Variants in KAT7 observed in about 807,000 individuals in gnomAD.
KAT7 encodes lysine acetyltransferase 7.
A neutral mutation model predicts 82.1 loss-of-function variants in KAT7; 10 were observed. The ratio of observed to expected loss-of-function variants is 0.12; its 90% CI spans 0.08 to 0.21. The LOEUF (loss-of-function observed/expected upper bound fraction) is 0.21, where lower values mean the gene tolerates loss of function less well. KAT7 is among the 10% of genes least tolerant of loss of function. The pLI is 1.00. For missense variants in KAT7, 378 were observed against 760.9 expected (o/e 0.50, Z 5.92); for synonymous variants, 250 against 262.5 (o/e 0.95, Z 0.46).
chr17:49,829,023 C>T lies in KAT7; in HGVS notation c.*1521C>T, dbSNP rs755489186. 2.6e-5 allele frequency: 4 copies of T among 152,650 alleles called. No homozygotes were observed. The highest frequency in any genetic ancestry group is 2.0e-4 in the Admixed American group (3 of 15,280). 9.5% of individuals were successfully genotyped at this position (152,650 alleles called of 1,614,324 possible). A position where few individuals can be genotyped will look rare whatever the true frequency, so the allele number is the denominator to read the frequency against. The stretch of plus-strand genomic sequence containing the variant: ...AAGGGATAAAGGCCTTTTACAGAAG[C>T]TAAACCCTTCCCCACATGTGGTAGA... On this transcript the variant is annotated 3_prime_UTR_variant, in exon 15 of 15. Coordinates refer to ENST00000259021, the MANE Select transcript of KAT7 (RefSeq NM_007067.5).
At chr17:49,806,461 A>C (rs539854952) in intron 5 of KAT7, among the ~76,000 whole-genome samples, 1 of 152,194 alleles carries the variant, frequency 6.6e-6, no homozygotes, top group African/African-American at 2.4e-5. Context: ...TGCTCTGTGT[A>C]AAAGTGAGTT....
In KAT7 at chr17:49,791,887, G is replaced by C; in HGVS notation, c.17G>C (p.Arg6Thr). 11 of 1,613,936 alleles carry C rather than the reference G, an allele frequency of 6.8e-6. No individual in the cohort carries two copies. The highest frequency in any genetic ancestry group is 9.3e-6 in the Non-Finnish European group (11 of 1,179,842). Reference protein sequence around the residue: MPRRKRNAGSSSDGTE... With the variant: MPRRKTNAGSSSDGTE... ...ATATCTGGATCTATGGTATTACAGA[G>C]GAATGCAGGCAGTAGTTCAGATGGA... The change falls in exon 2 of 15, where the codon AGG (arginine) becomes ACG (threonine). Residue 6 changes from arginine to threonine, a missense_variant and splice_region_variant. Arg to Thr is a moderately conservative substitution (Grantham distance 71). Transcript: ENST00000259021.
intron 1 of KAT7, 63 bp downstream of exon 1, chr17:49,788,912 A>G: frequency 6.9e-7 from 1 of 1,454,240 alleles, no homozygotes; most frequent in Admixed American, 2.2e-5. Context: ...ACCGTGACGC[A>G]GTTGGCCACG....
At chr17:49,790,227 G>A (rs1464482412) in intron 1 of KAT7, among the ~76,000 whole-genome samples, 6 of 152,116 alleles carry the variant, frequency 3.9e-5, no homozygotes, top group Admixed American at 2.0e-4. Flanking sequence ...ACGAGGTTTT[G>A]CTCTTGTTGC....
rs1434733574 is a variant in KAT7, at chr17:49,827,986, T to C, written c.*484T>C. 6.4e-6 allele frequency: 1 copy of C among 155,532 alleles called. No individual in the cohort carries two copies. Among genetic ancestry groups the C allele is most frequent in the Non-Finnish European group, 1.4e-5 (1 of 70,182 alleles). 9.6% of individuals were successfully genotyped at this position (155,532 alleles called of 1,614,324 possible). A position where few individuals can be genotyped will look rare whatever the true frequency, so the allele number is the denominator to read the frequency against. On this transcript the variant is annotated 3_prime_UTR_variant, in exon 15 of 15. Transcript: ENST00000259021. Reference sequence around the variant, plus strand: ...GGTGGCACTTGTGAGTGTGTGTGGATTGGCAGGGGGTCCATTCACTTTGGG... The same window carrying C: ...GGTGGCACTTGTGAGTGTGTGTGGACTGGCAGGGGGTCCATTCACTTTGGG...
chr17:49,810,482 C>T (rs1255497729), intron 6 of KAT7, among the ~76,000 whole-genome samples: 2 of 152,160 alleles, frequency 1.3e-5, no homozygotes, highest in Non-Finnish European at 2.9e-5. Flanking sequence ...GTCTTAAACT[C>T]CTGACCTCCA....
chr17:49,794,533 G>A (rs1433823532), intron 2 of KAT7, among the ~76,000 whole-genome samples: 1 of 152,176 alleles, frequency 6.6e-6, no homozygotes, highest in African/African-American at 2.4e-5. Flanking sequence ...TGATCTGCCC[G>A]CCTCGGCCTC....
At chr17:49,813,235 C>T (rs1237005794) in intron 7 of KAT7, among the ~76,000 whole-genome samples, 2 of 151,972 alleles carry the variant, frequency 1.3e-5, no homozygotes, top group Non-Finnish European at 1.5e-5. Context: ...TCCCTCTGTA[C>T]CCAGTGGTTA....
At chr17:49,801,341 C>T (rs879661597) in intron 4 of KAT7, among the ~76,000 whole-genome samples, 5 of 151,994 alleles carry the variant, frequency 3.3e-5, no homozygotes, top group East Asian at 1.9e-4. Flanking sequence ...TGTGCCACCA[C>T]GCCTGGCTAA....
At chr17:49,806,459 G>T (rs2074093045) in intron 5 of KAT7, among the ~76,000 whole-genome samples, 1 of 152,172 alleles carries the variant, frequency 6.6e-6, no homozygotes, top group African/African-American at 2.4e-5. Flanking sequence ...TCTGCTCTGT[G>T]TAAAAGTGAG....
At chr17:49,789,500 G>T (rs924331660) in intron 1 of KAT7, 3 of 152,080 alleles carry the variant, frequency 2.0e-5, no homozygotes, top group Non-Finnish European at 4.4e-5. Context: ...AATGCAGTTG[G>T]TAAAAACTAA....
chr17:49,827,441 C>T lies in KAT7; in HGVS notation c.1775C>T (p.Ser592Phe), dbSNP rs745559866. 2.8e-5 allele frequency: 45 copies of T among 1,613,618 alleles called. No homozygotes were observed. In the Admixed American group the frequency reaches 6.0e-4, roughly 22 times the overall value. Residue 592 changes from serine to phenylalanine, a missense_variant, in exon 15 of 15, where the codon TCC becomes TTC. Around this residue, in one of 6 missense-constraint regions of KAT7, gnomAD observed 44 missense variants for 102.2 expected, o/e 0.43. Coordinates refer to ENST00000259021, the MANE Select transcript of KAT7 (RefSeq NM_007067.5). ...DEWIAKEAKR[S>F]NSNKTMDPSC... Reference sequence around the variant, plus strand: ...TGGATAGCCAAAGAGGCCAAAAGGTCCAACTCCAATAAAACCATGGATCCC... The same window carrying T: ...TGGATAGCCAAAGAGGCCAAAAGGTTCAACTCCAATAAAACCATGGATCCC...
intron 4 of KAT7, among the ~76,000 whole-genome samples, chr17:49,804,216 A>G (rs2074061977): frequency 6.6e-6 from 1 of 151,806 alleles, no homozygotes; most frequent in African/African-American, 2.4e-5. Context: ...CATCTCTACT[A>G]AAAATACAAA....
chr17:49,795,967 A>G (rs2073950498), intron 2 of KAT7, among the ~76,000 whole-genome samples: 2 of 148,680 alleles, frequency 1.3e-5, no homozygotes, highest in Admixed American at 6.8e-5. Flanking sequence ...ATGATTAAAC[A>G]TGTCTCTTTA....
intron 12 of KAT7, chr17:49,823,580 A>G (rs899363784): frequency 6.7e-6 from 2 of 299,164 alleles, no homozygotes; most frequent in African/African-American, 2.2e-5. Flanking sequence ...CAGCACATAC[A>G]TGCATGAGGC....
intron 8 of KAT7, 40 bp downstream of exon 8, chr17:49,815,953 A>G: frequency 8.3e-7 from 1 of 1,199,508 alleles, no homozygotes; most frequent in East Asian, 2.3e-5. Context: ...CGCTTGTGAA[A>G]GGTGCTTAGA....
chr17:49,790,138 G>A (rs932424966), intron 1 of KAT7, among the ~76,000 whole-genome samples: 2 of 152,124 alleles, frequency 1.3e-5, no homozygotes, highest in African/African-American at 2.4e-5. Context: ...GGTTGAAAAT[G>A]TACACTTTTT....
At chr17:49,814,806 A>G (rs2074213648) in intron 7 of KAT7, 1 of 152,200 alleles carries the variant, frequency 6.6e-6, no homozygotes, top group African/African-American at 2.4e-5. Flanking sequence ...AAAAAGATTC[A>G]CAGCAGATGG....
In KAT7 at chr17:49,815,786, T is replaced by G. The variant is rs2074226309; in HGVS notation, c.853-17T>G. On this transcript the variant is annotated splice_polypyrimidine_tract_variant and intron_variant, in intron 7 of 14. Coordinates refer to ENST00000259021, the MANE Select transcript of KAT7 (RefSeq NM_007067.5). ...AGCAGAGAGTATCAGAGTATCACGCTCTGGTTATTTTCCTAGGAACACAGA... is the reference window on the plus strand; with the variant it reads ...AGCAGAGAGTATCAGAGTATCACGCGCTGGTTATTTTCCTAGGAACACAGA... 6.8e-7 allele frequency: 1 copy of G among 1,464,592 alleles called. No homozygotes were observed. Among genetic ancestry groups the G allele is most frequent in the Admixed American group, 1.7e-5 (1 of 59,736 alleles). 90.7% of individuals were successfully genotyped at this position (1,464,592 alleles called of 1,614,324 possible).
Sources: gnomAD v4.1 joint callset for allele counts (sites outside exome capture counted in the v4.1 genomes callset) on GRCh38, gnomAD v4.1.1 for gene constraint, gnomAD v4.1.1 regional missense constraint, MANE v1.5 for transcripts, NCBI Gene and HGNC (gene_info 2026-07-23, HGNC 2026-07-21) for gene names.